CCM2: variants seen among roughly 807,000 people sequenced by gnomAD.
CCM2 encodes CCM2 scaffold protein.
In CCM2, 25 loss-of-function variants were observed where a neutral mutation model predicts 44.9. That is an observed-to-expected ratio of 0.56 (90% CI 0.41 to 0.78). The LOEUF is 0.78. Ranked by LOEUF, CCM2 falls within the 30% of genes least tolerant of loss-of-function variation. CCM2 has a pLI of 0.00. For synonymous variants in CCM2, 219 were observed against 241.1 expected (o/e 0.91, Z 0.85); for missense variants, 481 against 580.6 (o/e 0.83, Z 1.76).
intron 1 of CCM2, among the ~76,000 whole-genome samples, chr7:45,030,043 C>T (rs1252107939): frequency 1.3e-5 from 2 of 152,152 alleles, no homozygotes; most frequent in African/African-American, 4.8e-5. Context: ...GCCCTGTGTT[C>T]CCTCCTCCTG....
intron 1 of CCM2, among the ~76,000 whole-genome samples, chr7:45,035,902 A>G (rs1330619087): frequency 6.6e-6 from 1 of 152,202 alleles, no homozygotes; most frequent in Non-Finnish European, 1.5e-5. Flanking sequence ...ATACAGTCAT[A>G]AAATTAACTG....
intron 1 of CCM2, among the ~76,000 whole-genome samples, chr7:45,001,399 T>C (rs1795620363): frequency 6.6e-6 from 1 of 152,222 alleles, no homozygotes; most frequent in Non-Finnish European, 1.5e-5. Flanking sequence ...GGAAAATAGC[T>C]CAAGATAGTG....
In CCM2 at chr7:45,068,490, T is replaced by C; in HGVS notation, c.520T>C (p.Ser174Pro). The change falls in exon 5 of 10, where the codon TCC becomes CCC. Residue 174 changes from serine to proline, a missense_variant. Ser to Pro is a moderately conservative substitution (Grantham distance 74). Transcript: ENST00000258781. ...SPSQSLCAES[S>P]RGLSAGSLSE... ...CAGCCAGAGTCTGTGTGCGGAAAGT[T>C]CCAGAGGCCTCAGTGCAGGCTCCCT... is the stretch of plus-strand genomic sequence containing the variant. 1 of 1,614,156 alleles carries C rather than the reference T, an allele frequency of 6.2e-7. No homozygotes were observed. Among genetic ancestry groups the C allele is most frequent in the Non-Finnish European group, 8.5e-7 (1 of 1,180,020 alleles).
In CCM2 at chr7:45,008,356, CTTTTT is replaced by C. The variant is rs59435094; in HGVS notation, c.30+8016_30+8020del. Among the ~76,000 whole-genome samples the C allele has an allele frequency of 3.9e-3, 447 of 114,718 alleles. 1 individual carries two copies. Among genetic ancestry groups the C allele is most frequent in the African/African-American group, 0.017 (425 of 24,614 alleles). The allele number at this position is 114,718 out of a possible 152,430, so 75.3% of individuals were successfully genotyped here. ...CCGTGCCTGGCCAAGGGTACATGTT[CTTTTT>C]TTTTTTTTTTTTTTTTTTTTTTGAG... On this transcript the variant is annotated intron_variant, in intron 1 of 9. Coordinates refer to ENST00000258781, the MANE Select transcript of CCM2 (RefSeq NM_031443.4).
At chr7:45,034,824 G>A (rs890582082) in intron 1 of CCM2, among the ~76,000 whole-genome samples, 5 of 151,740 alleles carry the variant, frequency 3.3e-5, no homozygotes, top group African/African-American at 9.7e-5. Context: ...CCCAGCTTCT[G>A]GAAGCATTTT....
chr7:45,052,441 G>C (rs914893128), intron 2 of CCM2, among the ~76,000 whole-genome samples: 1 of 152,152 alleles, frequency 6.6e-6, no homozygotes, highest in Non-Finnish European at 1.5e-5. Context: ...TGAGGCTGTG[G>C]GTGTAATTTA....
At chr7:45,053,722 A>G (rs1218826700) in intron 2 of CCM2, among the ~76,000 whole-genome samples, 1 of 152,200 alleles carries the variant, frequency 6.6e-6, no homozygotes, top group Non-Finnish European at 1.5e-5. Flanking sequence ...GCTGGCCAGT[A>G]CAGAGCTTCC....
At chr7:45,058,778 C>T (rs1437456474) in intron 2 of CCM2, among the ~76,000 whole-genome samples, 2 of 151,658 alleles carry the variant, frequency 1.3e-5, no homozygotes, top group East Asian at 1.9e-4. Flanking sequence ...TGGATTACAA[C>T]GATATATTTT....
intron 2 of CCM2, among the ~76,000 whole-genome samples, chr7:45,053,863 C>G (rs960260917): frequency 1.5e-4 from 23 of 152,196 alleles, no homozygotes; most frequent in African/African-American, 5.1e-4. Context: ...AGTATGTCTA[C>G]TTCCCTGAGC....
chr7:45,022,866 G>T (rs947305399), intron 1 of CCM2, among the ~76,000 whole-genome samples: 76 of 151,786 alleles, frequency 5.0e-4, no homozygotes, highest in African/African-American at 1.8e-3. Context: ...TCAGCCTCTC[G>T]AGTAGCTGGG....
intron 2 of CCM2, among the ~76,000 whole-genome samples, chr7:45,056,544 T>C (rs1193161958): frequency 6.6e-6 from 1 of 152,206 alleles, no homozygotes; most frequent in Non-Finnish European, 1.5e-5. Context: ...TGGTATTTCA[T>C]TACGGTTTTG....
intron 4 of CCM2, 50 bp from the exon 5 acceptor site, chr7:45,068,393 C>A: frequency 6.2e-7 from 1 of 1,613,076 alleles, no homozygotes; most frequent in Non-Finnish European, 8.5e-7. Context: ...TCAAGTGCCC[C>A]CATGCCTGCC....
chr7:45,056,880 A>C (rs975088028), intron 2 of CCM2, among the ~76,000 whole-genome samples: 8 of 152,210 alleles, frequency 5.3e-5, no homozygotes, highest in African/African-American at 7.2e-5. Context: ...TAGCCAAGAA[A>C]TCATTGATAA....
At chr7:45,017,157 G>A (rs1376580427) in intron 1 of CCM2, among the ~76,000 whole-genome samples, 1 of 152,224 alleles carries the variant, frequency 6.6e-6, no homozygotes, top group Admixed American at 6.5e-5. Context: ...GGGATTTGGT[G>A]TATAGATTAT....
chr7:45,054,427 A>G (rs530082924), intron 2 of CCM2, among the ~76,000 whole-genome samples: 21 of 152,226 alleles, frequency 1.4e-4, no homozygotes, highest in Admixed American at 1.2e-3. Context: ...TGCCACGGGA[A>G]CTTTATCAAT....
rs1478684498 is a variant in CCM2 at position 45,069,961 on chromosome 7, G to A, written c.745G>A (p.Asp249Asn). Residue 249 changes from aspartate to asparagine, a missense_variant and splice_region_variant, in exon 6 of 10, where the codon GAT becomes AAT. Transcript: ENST00000258781. ...TPTHHLSLHS[D>N]DSSTKVDIKE... ...GACCCACCACCTGTCCCTGCACAGC[G>A]GTATGTTGAGTGAGAGTGGGCAGCG... is the stretch of plus-strand genomic sequence containing the variant. The A allele has an allele frequency of 2.5e-6, 4 of 1,613,666 alleles. No individual in the cohort carries two copies. The highest frequency in any genetic ancestry group is 3.3e-5 in the Admixed American group (2 of 60,008).
rs11771822 is a variant in CCM2, at chr7:45,063,688, T to G, written c.205-230T>G. 0.043 allele frequency among the ~76,000 whole-genome samples: 6,514 copies of G among 152,214 alleles called. 155 individuals are homozygous for G. Among genetic ancestry groups the G allele is most frequent in the Middle Eastern group, 0.065 (19 of 294 alleles). ...CATTGCAGGACTTTTGATGATGACC[T>G]TCACTGTAGAATAGTAGGAGATGGG... On this transcript the variant is annotated intron_variant, in intron 2 of 9. Coordinates refer to ENST00000258781, the MANE Select transcript of CCM2 (RefSeq NM_031443.4).
At chr7:45,019,814 A>G (rs760621745) in intron 1 of CCM2, among the ~76,000 whole-genome samples, 4 of 152,152 alleles carry the variant, frequency 2.6e-5, no homozygotes, top group African/African-American at 9.7e-5. Flanking sequence ...AACTCAAGTG[A>G]TCTTCCTGCC....
At chr7:45,035,123 G>T (rs1345281875) in intron 1 of CCM2, among the ~76,000 whole-genome samples, 5 of 152,036 alleles carry the variant, frequency 3.3e-5, no homozygotes, top group Admixed American at 2.6e-4. Context: ...GGCGTGAGCC[G>T]CTGCACCCAG....
Sources: gnomAD v4.1 joint callset for allele counts (sites outside exome capture counted in the v4.1 genomes callset) on GRCh38, gnomAD v4.1.1 for gene constraint, MANE v1.5 for transcripts, NCBI Gene and HGNC (gene_info 2026-07-23, HGNC 2026-07-21) for gene names.